The following INPP4B variants were observed in gnomAD, a reference collection of about 807,000 sequenced individuals.
The protein encoded by INPP4B is inositol polyphosphate-4-phosphatase type II B.
In INPP4B, 55 loss-of-function variants were observed where a neutral mutation model predicts 122.5. The observed-to-expected ratio is 0.45, with a 90% confidence interval of 0.36 to 0.56. The LOEUF is 0.56. INPP4B is among the 20% of genes least tolerant of loss of function. The pLI, the probability that INPP4B is intolerant of heterozygous loss-of-function variation, is 0.00. For synonymous variants in INPP4B, 403 were observed against 388.7 expected (o/e 1.04, Z -0.43); for missense variants, 1,000 against 1,097.7 (o/e 0.91, Z 1.26).
chr4:142,192,378 A>G (rs779955812), intron 15 of INPP4B, among the ~76,000 whole-genome samples: 1 of 150,588 alleles, frequency 6.6e-6, no homozygotes, highest in Non-Finnish European at 1.5e-5. Context: ...AAGAATAACT[A>G]TTTGAAAAGG....
intron 14 of INPP4B, among the ~76,000 whole-genome samples, chr4:142,202,942 T>TGTGTTGC (rs2149464958): frequency 6.6e-6 from 1 of 152,198 alleles, no homozygotes; most frequent in African/African-American, 2.4e-5. Flanking sequence ...CCTTTATTAC[T>TGTGTTGC]GTATGTCTGA....
intron 9 of INPP4B, among the ~76,000 whole-genome samples, chr4:142,299,138 CT>C (rs1054492198): frequency 2.7e-5 from 4 of 147,912 alleles, no homozygotes; most frequent in East Asian, 2.0e-4. Context: ...TGCTTTTTCA[CT>C]TTTTTTTTCT....
At chr4:142,630,112 C>T (rs902956779) in intron 2 of INPP4B, among the ~76,000 whole-genome samples, 2 of 152,094 alleles carry the variant, frequency 1.3e-5, no homozygotes, top group Non-Finnish European at 2.9e-5. Context: ...ATCAGTAGTT[C>T]TGTTCCCGCC....
chr4:142,731,775 G>A (rs75438338), intron 1 of INPP4B, among the ~76,000 whole-genome samples: 123 of 123,432 alleles, frequency 1.0e-3, no homozygotes, highest in Middle Eastern at 4.2e-3. Context: ...ATTTTCAGGG[G>A]AAAAAAAAAA....
At chr4:142,802,684 A>T (rs1778155969) in intron 1 of INPP4B, among the ~76,000 whole-genome samples, 1 of 152,150 alleles carries the variant, frequency 6.6e-6, no homozygotes, top group Admixed American at 6.5e-5. Context: ...CCTTGAAAGC[A>T]CAGGCTAAGA....
At chr4:142,390,584 A>G (rs539315068) in intron 7 of INPP4B, among the ~76,000 whole-genome samples, 1 of 152,300 alleles carries the variant, frequency 6.6e-6, no homozygotes, top group South Asian at 2.1e-4. Flanking sequence ...AGAGGTAAAT[A>G]GGATTATTTG....
intron 1 of INPP4B, among the ~76,000 whole-genome samples, chr4:142,832,677 G>A (rs1166261209): frequency 6.6e-6 from 1 of 152,100 alleles, no homozygotes; most frequent in Non-Finnish European, 1.5e-5. Context: ...GCTTTAGGCA[G>A]ATCAGGGTAA....
chr4:142,759,693 A>G (rs1008071089), intron 1 of INPP4B, among the ~76,000 whole-genome samples: 1 of 152,004 alleles, frequency 6.6e-6, no homozygotes, highest in Non-Finnish European at 1.5e-5. Context: ...TAAACAATCA[A>G]TACATTTTGA....
intron 25 of INPP4B, among the ~76,000 whole-genome samples, chr4:142,065,903 T>A (rs1763277408): frequency 6.6e-6 from 1 of 152,164 alleles, no homozygotes; most frequent in African/African-American, 2.4e-5. Flanking sequence ...GGAGCTTCCA[T>A]GCACTCCCTG....
At chr4:142,392,092 T>C (rs752904113) in intron 7 of INPP4B, among the ~76,000 whole-genome samples, 8 of 152,202 alleles carry the variant, frequency 5.3e-5, no homozygotes, top group Non-Finnish European at 8.8e-5. Context: ...AGACTGTCTT[T>C]GACATCCACA....
intron 1 of INPP4B, among the ~76,000 whole-genome samples, chr4:142,778,970 C>G (rs10033400): frequency 6.6e-6 from 1 of 152,024 alleles, no homozygotes; most frequent in Admixed American, 6.6e-5. Context: ...ATACTTGTCC[C>G]TCCCCATGAA....
At chr4:142,148,942 A>G (rs1812272837) in intron 17 of INPP4B, among the ~76,000 whole-genome samples, 2 of 152,238 alleles carry the variant, frequency 1.3e-5, no homozygotes, top group South Asian at 4.1e-4. Context: ...TAATTTATGA[A>G]TAATCAAATA....
chr4:142,116,893 A>G (rs1048380049), intron 21 of INPP4B, among the ~76,000 whole-genome samples: 4 of 152,194 alleles, frequency 2.6e-5, no homozygotes, highest in Admixed American at 6.5e-5. Flanking sequence ...TGAAAAGATC[A>G]ACAATATTGA....
At chr4:142,372,821 T>C (rs940337335) in intron 7 of INPP4B, among the ~76,000 whole-genome samples, 4 of 152,046 alleles carry the variant, frequency 2.6e-5, no homozygotes, top group Admixed American at 2.6e-4. Flanking sequence ...AGTCTTCTAG[T>C]ACTGGAAGTC....
chr4:142,731,465 T>G (rs759002667), intron 1 of INPP4B, among the ~76,000 whole-genome samples: 4 of 152,178 alleles, frequency 2.6e-5, no homozygotes, highest in Admixed American at 2.0e-4. Flanking sequence ...TGGATCCATA[T>G]AGCAAGACAA....
chr4:142,248,967 G>A (rs1208997701), intron 11 of INPP4B, among the ~76,000 whole-genome samples: 1 of 151,788 alleles, frequency 6.6e-6, no homozygotes, highest in African/African-American at 2.4e-5. Flanking sequence ...AAAAAGCAAT[G>A]TTCCTTCCTC....
chr4:142,076,739 GATA>G (rs1561035700), intron 25 of INPP4B, among the ~76,000 whole-genome samples: 1 of 151,746 alleles, frequency 6.6e-6, no homozygotes, highest in African/African-American at 2.4e-5. Flanking sequence ...CTTAAAGTAT[GATA>G]ATAATAAAAT....
intron 1 of INPP4B, among the ~76,000 whole-genome samples, chr4:142,738,259 C>T (rs887805878): frequency 1.3e-5 from 2 of 152,152 alleles, no homozygotes; most frequent in African/African-American, 4.8e-5. Context: ...CACATATACA[C>T]CATGGAATAC....
At chr4:142,100,732 C>T (rs1409730613) in intron 23 of INPP4B, among the ~76,000 whole-genome samples, 1 of 151,966 alleles carries the variant, frequency 6.6e-6, no homozygotes, top group Admixed American at 6.6e-5. Context: ...GAAAATGATG[C>T]AGAGAGAAAA....
Sources: allele counts gnomAD v4.1 joint callset (sites outside exome capture counted in the v4.1 genomes callset), GRCh38; gene constraint gnomAD v4.1.1; transcripts MANE v1.5; gene names NCBI Gene and HGNC (gene_info 2026-07-23, HGNC 2026-07-21).